Variants in AGBL4 observed in about 807,000 individuals in gnomAD.
AGBL4 encodes the protein AGBL carboxypeptidase 4.
Under a neutral mutation model 66.4 loss-of-function variants are expected in AGBL4, and 58 were observed. The observed-to-expected ratio is 0.87, with a 90% CI of 0.71 to 1.09. The LOEUF (loss-of-function observed/expected upper bound fraction) is 1.09. AGBL4 is among the 50% of genes least tolerant of loss of function. The probability of loss-of-function intolerance (pLI) is 0.00; values close to 1 mark genes in which losing one functional copy is unlikely to be tolerated. For synonymous variants in AGBL4, 234 were observed against 222.9 expected, an observed-to-expected ratio of 1.05 and a Z score of -0.44; for missense variants, 579 against 631.0, an observed-to-expected ratio of 0.92 and a Z score of 0.88.
At chr1:48,912,704 C>T (rs1406707416) in intron 5 of AGBL4, among the ~76,000 whole-genome samples, 1 of 152,158 alleles carries the variant, frequency 6.6e-6, no homozygotes, top group Non-Finnish European at 1.5e-5. Context: ...ATGTAAGCCC[C>T]TAATGAAACC....
chr1:49,262,529 T>G (rs1240045498), intron 3 of AGBL4, among the ~76,000 whole-genome samples: 1 of 152,190 alleles, frequency 6.6e-6, no homozygotes, highest in Non-Finnish European at 1.5e-5. Context: ...AGAAGATATT[T>G]ATGCAGCCAA....
chr1:49,530,316 G>A (rs12727100), intron 3 of AGBL4, among the ~76,000 whole-genome samples: 13,179 of 108,712 alleles, frequency 0.12, 912 homozygotes, highest in East Asian at 0.33. Flanking sequence ...TATACTTTAC[G>A]TTTGAGGGTA....
chr1:49,084,276 A>G (rs962164603), intron 4 of AGBL4, among the ~76,000 whole-genome samples: 2 of 152,198 alleles, frequency 1.3e-5, no homozygotes, highest in African/African-American at 4.8e-5. Context: ...AGGTATCTTT[A>G]GAGCAGCACC....
chr1:49,793,577 C>A (rs553973540), intron 2 of AGBL4, among the ~76,000 whole-genome samples: 1 of 151,720 alleles, frequency 6.6e-6, no homozygotes, highest in East Asian at 1.9e-4. Context: ...TGAGCATCTG[C>A]GTAAATAGTA....
chr1:49,179,827 G>C (rs552394245), intron 4 of AGBL4, among the ~76,000 whole-genome samples: 5 of 152,216 alleles, frequency 3.3e-5, no homozygotes, highest in African/African-American at 1.2e-4. Flanking sequence ...CACTGCATGG[G>C]TTCTAACTCT....
At chr1:49,061,861 G>A (rs1311358641) in intron 4 of AGBL4, among the ~76,000 whole-genome samples, 2 of 152,156 alleles carry the variant, frequency 1.3e-5, no homozygotes, top group Admixed American at 1.3e-4. Flanking sequence ...AAGTCAACCA[G>A]TGAGCTGAAT....
chr1:49,359,066 T>C (rs1644081555), intron 3 of AGBL4, among the ~76,000 whole-genome samples: 2 of 152,018 alleles, frequency 1.3e-5, no homozygotes, highest in Admixed American at 1.3e-4. Flanking sequence ...CGTACATACA[T>C]TAAAAGCTGG....
chr1:48,610,222 C>T (rs1036018129), intron 9 of AGBL4, among the ~76,000 whole-genome samples: 2 of 152,196 alleles, frequency 1.3e-5, no homozygotes, highest in African/African-American at 2.4e-5. Flanking sequence ...CTTTGTCTCT[C>T]CCATTGGACA....
intron 6 of AGBL4, among the ~76,000 whole-genome samples, chr1:48,740,060 G>C (rs1216337919): frequency 6.6e-6 from 1 of 152,214 alleles, no homozygotes; most frequent in African/African-American, 2.4e-5. Context: ...CATATTTAAT[G>C]TCTTTATGGA....
intron 5 of AGBL4, among the ~76,000 whole-genome samples, chr1:48,999,643 C>T (rs1177586824): frequency 2.0e-5 from 3 of 152,028 alleles, no homozygotes; most frequent in African/African-American, 7.2e-5. Context: ...CCAATCTTTT[C>T]CTTGCTTGAC....
chr1:49,398,356 TC>T (rs1382547025), intron 3 of AGBL4, among the ~76,000 whole-genome samples: 63 of 151,796 alleles, frequency 4.2e-4, no homozygotes, highest in Admixed American at 1.5e-3. Flanking sequence ...TCTCTCTCTC[TC>T]TCTCTCTCTC....
At chr1:49,699,271 C>G (rs1647043243) in intron 2 of AGBL4, among the ~76,000 whole-genome samples, 1 of 152,062 alleles carries the variant, frequency 6.6e-6, no homozygotes, top group Non-Finnish European at 1.5e-5. Flanking sequence ...CCTTCTGCAA[C>G]TACTCTGTTG....
rs941409313 is a variant in AGBL4, at chr1:48,890,993, G to C, written c.595-23763C>G. Among the ~76,000 whole-genome samples the C allele has an allele frequency of 3.0e-4, 45 of 152,334 alleles. 1 individual carries two copies. Among genetic ancestry groups the C allele is most frequent in the African/African-American group, 1.1e-3 (45 of 41,582 alleles). ...CATAAGATCCTGGGATCGTGGCGAA[G>C]TGTAGTGTTGGGGAGCCACAGAAAT... On this transcript the variant is annotated intron_variant, in intron 5 of 13. Transcript: ENST00000371839.
At chr1:49,114,980 T>A (rs754951846) in intron 4 of AGBL4, among the ~76,000 whole-genome samples, 16 of 152,118 alleles carry the variant, frequency 1.1e-4, no homozygotes, top group African/African-American at 3.9e-4. Context: ...GAGACATGAC[T>A]AAGTACATGG....
chr1:48,783,722 C>T (rs1645349059), intron 6 of AGBL4, among the ~76,000 whole-genome samples: 1 of 152,126 alleles, frequency 6.6e-6, no homozygotes, highest in East Asian at 1.9e-4. Context: ...GGTCCTATCC[C>T]CTGAGACCCT....
chr1:49,030,859 A>G (rs893987574), intron 5 of AGBL4, among the ~76,000 whole-genome samples: 21 of 151,248 alleles, frequency 1.4e-4, no homozygotes, highest in African/African-American at 5.1e-4. Flanking sequence ...AAAAAAATGG[A>G]TCAATCGGAC....
At chr1:49,585,240 C>T (rs1175818144) in intron 3 of AGBL4, among the ~76,000 whole-genome samples, 1 of 152,132 alleles carries the variant, frequency 6.6e-6, no homozygotes, top group Non-Finnish European at 1.5e-5. Flanking sequence ...ACTGGAAGGA[C>T]CTGTGACTTG....
At chr1:48,926,487 C>A (rs1654583999) in intron 5 of AGBL4, among the ~76,000 whole-genome samples, 2 of 151,248 alleles carry the variant, frequency 1.3e-5, no homozygotes, top group African/African-American at 4.9e-5. Context: ...GGGGGTTTCA[C>A]CATGTTGGCC....
chr1:49,276,099 A>C lies in AGBL4; in HGVS notation c.283-30235T>G, dbSNP rs1644161835. 2.0e-5 allele frequency among the ~76,000 whole-genome samples: 3 copies of C among 151,714 alleles called. No individual in the cohort carries two copies. The South Asian group carries it at 6.2e-4, about 31-fold the overall frequency. ...TGCCTCTTATTATAGATATTCTCCT[A>C]CATTATATATATACATATATATACA... On this transcript the variant is annotated intron_variant, in intron 3 of 13. Coordinates refer to ENST00000371839, the MANE Select transcript of AGBL4 (RefSeq NM_032785.4).
Sources: allele counts gnomAD v4.1 joint callset (sites outside exome capture counted in the v4.1 genomes callset), GRCh38; gene constraint gnomAD v4.1.1; transcripts MANE v1.5; gene names NCBI Gene and HGNC (gene_info 2026-07-23, HGNC 2026-07-21).